The following ERBIN variants were observed in gnomAD, a reference collection of about 807,000 sequenced individuals.
The protein encoded by ERBIN is erbb2 interacting protein.
In ERBIN, 60 loss-of-function variants were observed where a neutral mutation model predicts 158.4. The observed-to-expected ratio is 0.38, with a 90% confidence interval of 0.31 to 0.47. ERBIN has a LOEUF of 0.47. Among genes scored for constraint, ERBIN ranks in the 20% least tolerant of loss-of-function variants. The pLI, the probability that ERBIN is intolerant of heterozygous loss-of-function variation, is 0.99. For synonymous variants in ERBIN, 594 were observed against 557.2 expected (o/e 1.07, Z -0.93); for missense variants, 1,610 against 1,648.0 (o/e 0.98, Z 0.40).
intron 21 of ERBIN, among the ~76,000 whole-genome samples, chr5:66,060,690 TC>T (rs1760182530): frequency 6.6e-6 from 1 of 152,224 alleles, no homozygotes; most frequent in African/African-American, 2.4e-5. Context: ...GCTATAAATT[TC>T]CTTCTACACA....
chr5:65,977,702 T>G (rs1301257641), intron 1 of ERBIN, among the ~76,000 whole-genome samples: 1 of 147,912 alleles, frequency 6.8e-6, no homozygotes, highest in Non-Finnish European at 1.5e-5. Context: ...GGCTCCTCAC[T>G]TCCCAGACGA....
In ERBIN at chr5:65,941,432, A is replaced by G. The variant is rs139673183; in HGVS notation, c.-58+14626A>G. Among the ~76,000 whole-genome samples, 947 of 152,192 alleles carry G rather than the reference A, an allele frequency of 6.2e-3. 12 individuals are homozygous for G. Among genetic ancestry groups the G allele is most frequent in the African/African-American group, 0.022 (907 of 41,512 alleles). ...AGAGATGATTTAAGGTATATGGGAG[A>G]ATGTGCATAGGTTATATACAAATAC... On this transcript the variant is annotated intron_variant, in intron 1 of 25. Transcript: ENST00000284037.
At chr5:66,046,318 A>G (rs748944268) in intron 17 of ERBIN, 35 bp from the exon 18 acceptor site, 2 of 1,266,260 alleles carry the variant, frequency 1.6e-6, no homozygotes, top group Non-Finnish European at 2.1e-6. Flanking sequence ...ATAAAACTTA[A>G]AGAATATGAG....
intron 22 of ERBIN, among the ~76,000 whole-genome samples, chr5:66,074,706 GAT>G (rs1365145155): frequency 6.6e-6 from 1 of 152,022 alleles, no homozygotes; most frequent in African/African-American, 2.4e-5. Flanking sequence ...GTTATTATAA[GAT>G]AGATACATCT....
intron 21 of ERBIN, among the ~76,000 whole-genome samples, chr5:66,064,975 C>T (rs553153341): frequency 2.0e-5 from 3 of 152,270 alleles, no homozygotes; most frequent in African/African-American, 7.2e-5. Context: ...GCTGTGATTA[C>T]AGATGTGAGC....
chr5:66,018,235 T>G (rs1330112129), intron 7 of ERBIN, among the ~76,000 whole-genome samples: 1 of 150,520 alleles, frequency 6.6e-6, no homozygotes, highest in Non-Finnish European at 1.5e-5. Flanking sequence ...TTGATAGGGA[T>G]GACATTGAAT....
intron 21 of ERBIN, among the ~76,000 whole-genome samples, chr5:66,069,459 A>G (rs1400717163): frequency 6.6e-6 from 1 of 152,352 alleles, no homozygotes; most frequent in East Asian, 1.9e-4. Flanking sequence ...GTTAATCATA[A>G]TTCACTGAGC....
rs555995801 is a variant in ERBIN at position 66,038,471 on chromosome 5, G to C, written c.1295G>C (p.Arg432Thr). The C allele has an allele frequency of 6.2e-6, 10 of 1,604,210 alleles. 1 individual carries two copies. The South Asian group carries it at 1.1e-4, about 18-fold the overall frequency. ...AACTACATGTTCCCTCAACAGCCAA[G>C]GACTGAGGATGGTAGGAATTTCATA... ...LTNYMFPQQP[R>T]TEDVMFISDN... Residue 432 changes from arginine (R) to threonine (T), a missense_variant, in exon 15 of 26, where the codon AGG (arginine) becomes ACG (threonine). Arg to Thr is a moderately conservative substitution (Grantham distance 71, BLOSUM62 -1). Coordinates refer to ENST00000284037, the MANE Select transcript of ERBIN (RefSeq NM_001253697.2).
intron 21 of ERBIN, among the ~76,000 whole-genome samples, chr5:66,059,350 G>C (rs768516280): frequency 1.3e-5 from 2 of 152,112 alleles, no homozygotes; most frequent in African/African-American, 4.8e-5. Flanking sequence ...TCTGTTATTG[G>C]TGTATAAGGA....
At chr5:66,061,199 TA>T (rs1561443238) in intron 21 of ERBIN, among the ~76,000 whole-genome samples, 1 of 152,220 alleles carries the variant, frequency 6.6e-6, no homozygotes, top group Non-Finnish European at 1.5e-5. Flanking sequence ...TGTAGGTCCC[TA>T]AGGACTTGCT....
In ERBIN at chr5:66,024,699, T is replaced by C. The variant is rs75885445; in HGVS notation, c.817+249T>C. Among the ~76,000 whole-genome samples the C allele has an allele frequency of 4.8e-3, 728 of 152,280 alleles. 1 individual carries two copies. The highest frequency in any genetic ancestry group is 7.5e-3 in the Non-Finnish European group (509 of 67,986). On this transcript the variant is annotated intron_variant, in intron 10 of 25. Coordinates refer to ENST00000284037, the MANE Select transcript of ERBIN (RefSeq NM_001253697.2). ...AAATTCTTTAAAATAAGTTAACTTA[T>C]GCAAATTTGGCTTAACTGTTAGCTT...
chr5:65,993,414 T>C (rs1455815806), intron 3 of ERBIN, among the ~76,000 whole-genome samples: 2 of 152,238 alleles, frequency 1.3e-5, no homozygotes, highest in African/African-American at 4.8e-5. Flanking sequence ...TTCTGAAGTC[T>C]AGTAACAACT....
At chr5:66,031,410 T>C (rs970530620) in intron 14 of ERBIN, among the ~76,000 whole-genome samples, 3 of 152,212 alleles carry the variant, frequency 2.0e-5, no homozygotes, top group Admixed American at 6.5e-5. Context: ...GAAAGTTACT[T>C]TAATACAATG....
chr5:66,005,792 A>C (rs530475218), intron 4 of ERBIN, among the ~76,000 whole-genome samples: 63 of 152,366 alleles, frequency 4.1e-4, no homozygotes, highest in Non-Finnish European at 7.8e-4. Flanking sequence ...ACTCCCATTC[A>C]CAATTGCTTC....
intron 1 of ERBIN, among the ~76,000 whole-genome samples, chr5:65,975,463 G>A (rs1339628014): frequency 7.2e-5 from 11 of 151,972 alleles, no homozygotes; most frequent in Admixed American, 5.2e-4. Flanking sequence ...CCGGCATCAC[G>A]CCTGGCTAAT....
At chr5:65,948,341 AT>A (rs77691090) in intron 1 of ERBIN, among the ~76,000 whole-genome samples, 280 of 143,824 alleles carry the variant, frequency 1.9e-3, no homozygotes, top group Non-Finnish European at 1.8e-3. Flanking sequence ...TGACTGGCTA[AT>A]TTTTTTTTTT....
intron 2 of ERBIN, among the ~76,000 whole-genome samples, chr5:65,992,230 A>G (rs921679186): frequency 1.2e-4 from 18 of 151,856 alleles, no homozygotes; most frequent in African/African-American, 1.9e-4. Context: ...GCTCACTGCA[A>G]GCTCCACCTC....
chr5:66,073,867 T>C lies in ERBIN; in HGVS notation c.3757-1157T>C, dbSNP rs180691222. ...TTTTTATATGCAAATATTTGTAATA[T>C]GACTGTAACCTCTTTTTTGTTGTTG... On this transcript the variant is annotated intron_variant, in intron 22 of 25. Coordinates refer to ENST00000284037, the MANE Select transcript of ERBIN (RefSeq NM_001253697.2). Among the ~76,000 whole-genome samples, 20 of 152,048 alleles carry C rather than the reference T, an allele frequency of 1.3e-4. No individual in the cohort carries two copies. The East Asian group carries it at 3.9e-3, about 29-fold the overall frequency.
intron 15 of ERBIN, among the ~76,000 whole-genome samples, chr5:66,042,867 G>T (rs1010521993): frequency 6.6e-6 from 1 of 152,044 alleles, no homozygotes; most frequent in African/African-American, 2.4e-5. Flanking sequence ...AGGGAAGAAA[G>T]GATATGTGAT....
Sources: gnomAD v4.1 joint callset for allele counts (sites outside exome capture counted in the v4.1 genomes callset) on GRCh38, gnomAD v4.1.1 for gene constraint, MANE v1.5 for transcripts, NCBI Gene and HGNC (gene_info 2026-07-23, HGNC 2026-07-21) for gene names.